The following PDE11A variants were observed in gnomAD, a reference collection of about 807,000 sequenced individuals.
PDE11A encodes dual 3',5'-cyclic-AMP and -GMP phosphodiesterase 11A.
Under a neutral mutation model 100.5 loss-of-function variants are expected in PDE11A, and 100 were observed. The observed-to-expected ratio is 1.00, with a 90% CI of 0.85 to 1.18. The LOEUF (loss-of-function observed/expected upper bound fraction) is 1.18, where lower values mean the gene tolerates loss of function less well. PDE11A is among the 50% of genes most tolerant of loss of function. PDE11A has a pLI of 0.00. For synonymous variants in PDE11A, 381 were observed against 420.8 expected (o/e 0.91, Z 1.16); for missense variants, 1,141 against 1,152.6 (o/e 0.99, Z 0.15).
chr2:177,675,628 C>T (rs181685619), intron 16 of PDE11A, 110 bp from the exon 17 acceptor site: 2 of 814,644 alleles, frequency 2.5e-6, no homozygotes, highest in East Asian at 2.7e-5. Context: ...GAGGCCAGCT[C>T]ACATCTTCCT....
At chr2:177,926,594 T>C (rs564837712) in intron 2 of PDE11A, among the ~76,000 whole-genome samples, 1 of 151,498 alleles carries the variant, frequency 6.6e-6, no homozygotes, top group African/African-American at 2.4e-5. Context: ...AGTTTCAGAT[T>C]TTAAGGTTTG....
chr2:177,776,662 G>T (rs2082381889), intron 9 of PDE11A, among the ~76,000 whole-genome samples: 1 of 152,150 alleles, frequency 6.6e-6, no homozygotes, highest in Admixed American at 6.5e-5. Flanking sequence ...ATGTGGGTGT[G>T]TCCTAATCCA....
intron 1 of PDE11A, among the ~76,000 whole-genome samples, chr2:178,053,867 C>T (rs931612671): frequency 6.6e-6 from 1 of 152,048 alleles, no homozygotes; most frequent in African/African-American, 2.4e-5. Flanking sequence ...AGAGAGGACA[C>T]AAACAAGTGG....
chr2:177,944,803 G>GCTCTCT (rs1553492473), intron 2 of PDE11A, among the ~76,000 whole-genome samples: 1 of 101,776 alleles, frequency 9.8e-6, no homozygotes, highest in Admixed American at 1.3e-4. Context: ...AGATGCGAGC[G>GCTCTCT]CTCTCCCTCT....
chr2:177,844,746 G>A (rs1336915644), intron 5 of PDE11A, among the ~76,000 whole-genome samples: 1 of 150,554 alleles, frequency 6.6e-6, no homozygotes, highest in Non-Finnish European at 1.5e-5. Context: ...GACTCTTAAC[G>A]AGCATGCTGC....
chr2:178,067,812 G>T (rs1209193813), intron 1 of PDE11A, among the ~76,000 whole-genome samples: 2 of 152,144 alleles, frequency 1.3e-5, no homozygotes, highest in East Asian at 3.9e-4. Context: ...GGGATAATGG[G>T]CTCTTTCTGT....
chr2:177,668,403 A>G (rs867297165), intron 18 of PDE11A, among the ~76,000 whole-genome samples: 1 of 152,128 alleles, frequency 6.6e-6, no homozygotes, highest in African/African-American at 2.4e-5. Flanking sequence ...CCAAGCTAAT[A>G]TTTTTATTTT....
intron 1 of PDE11A, among the ~76,000 whole-genome samples, chr2:178,032,991 C>T (rs2086568339): frequency 6.6e-6 from 1 of 152,200 alleles, no homozygotes; most frequent in South Asian, 2.1e-4. Flanking sequence ...TGCCTCTTCT[C>T]CTCCAAGTGG....
intron 2 of PDE11A, among the ~76,000 whole-genome samples, chr2:177,914,454 G>A (rs999264347): frequency 1.3e-5 from 2 of 152,108 alleles, no homozygotes; most frequent in African/African-American, 2.4e-5. Flanking sequence ...ATATAACTCT[G>A]CCAAGGTTAT....
Position 178,071,838 on chromosome 2 carries a change from A to C in PDE11A, c.600T>G (p.Asn200Lys). The change falls in exon 1 of 20, where the codon AAT (asparagine) becomes AAG (lysine). Residue 200 changes from asparagine (N) to lysine (K), a missense_variant. Transcript: ENST00000286063. ...IDYKCHLKKH[N>K]ERQFFLELVK... is the part of the protein sequence containing the mutation. ...CCAATTCCAGAAAGAACTGACGCTC[A>C]TTATGCTTTTTCAGATGGCACTTGT... The C allele has an allele frequency of 2.5e-6, 4 of 1,614,102 alleles. No homozygotes were observed. Among genetic ancestry groups the C allele is most frequent in the Non-Finnish European group, 3.4e-6 (4 of 1,179,948 alleles).
chr2:177,869,824 T>C (rs986768641), intron 5 of PDE11A, among the ~76,000 whole-genome samples: 4 of 152,316 alleles, frequency 2.6e-5, no homozygotes, highest in African/African-American at 7.2e-5. Flanking sequence ...ATGTTCTCAG[T>C]GTTAATTGTT....
intron 1 of PDE11A, among the ~76,000 whole-genome samples, chr2:178,026,190 ATGTAAC>A (rs1226021581): frequency 6.6e-6 from 1 of 152,202 alleles, no homozygotes; most frequent in African/African-American, 2.4e-5. Flanking sequence ...TGGCCCAAAA[ATGTAAC>A]TGATATGTAG....
chr2:177,687,341 C>T (rs967332483), intron 15 of PDE11A: 4 of 144,176 alleles, frequency 2.8e-5, no homozygotes, highest in Non-Finnish European at 4.4e-5. Flanking sequence ...AAAGCATCAT[C>T]ACATATATCC....
intron 2 of PDE11A, among the ~76,000 whole-genome samples, chr2:178,078,682 T>A (rs2087245417): frequency 6.6e-6 from 1 of 152,206 alleles, no homozygotes; most frequent in Non-Finnish European, 1.5e-5. Context: ...GAAGAATAAC[T>A]TGTTGATAAA....
chr2:177,771,409 A>C (rs1414499853), intron 9 of PDE11A, among the ~76,000 whole-genome samples: 1 of 152,214 alleles, frequency 6.6e-6, no homozygotes. Context: ...AAGCAAAGCC[A>C]CAATGGAAGC....
intron 9 of PDE11A, among the ~76,000 whole-genome samples, chr2:177,794,900 C>G (rs2082683962): frequency 6.6e-6 from 1 of 152,288 alleles, no homozygotes; most frequent in African/African-American, 2.4e-5. Flanking sequence ...ATTCTCCTGC[C>G]TCAATCTCCC....
chr2:177,865,402 T>C (rs1425701421), intron 5 of PDE11A, among the ~76,000 whole-genome samples: 1 of 152,228 alleles, frequency 6.6e-6, no homozygotes, highest in East Asian at 1.9e-4. Flanking sequence ...CCTCATTCTT[T>C]GCTGGTGCGA....
chr2:177,650,172 GA>G (rs1398893273), intron 19 of PDE11A, among the ~76,000 whole-genome samples: 2 of 152,092 alleles, frequency 1.3e-5, no homozygotes, highest in Admixed American at 1.3e-4. Flanking sequence ...CATTTCCTCT[GA>G]AAAGCGATCG....
chr2:177,665,539 ATACACAAAATGT>A (rs1187324458), intron 18 of PDE11A, among the ~76,000 whole-genome samples: 2 of 151,174 alleles, frequency 1.3e-5, no homozygotes, highest in Non-Finnish European at 3.0e-5. Context: ...AAAGAAATAA[ATACACAAAATGT>A]TTCTTTAAAA....
Sources: gnomAD v4.1 joint callset for allele counts (sites outside exome capture counted in the v4.1 genomes callset) on GRCh38, gnomAD v4.1.1 for gene constraint, MANE v1.5 for transcripts, NCBI Gene and HGNC (gene_info 2026-07-23, HGNC 2026-07-21) for gene names.